TNN: variants seen among roughly 807,000 people sequenced by gnomAD.
TNN encodes tenascin-N.
Under a neutral mutation model 134.4 loss-of-function variants are expected in TNN, and 122 were observed. That is an observed-to-expected ratio of 0.91 (90% confidence interval 0.78 to 1.06). The LOEUF is 1.06. Among genes scored for constraint, TNN ranks in the 50% least tolerant of loss-of-function variants. The pLI, the probability that TNN is intolerant of heterozygous loss-of-function variation, is 0.00. For missense variants in TNN, 1,739 were observed against 1,699.4 expected (o/e 1.02, Z -0.41); for synonymous variants, 710 against 670.3 (o/e 1.06, Z -0.91).
intron 5 of TNN, among the ~76,000 whole-genome samples, chr1:175,084,281 G>A (rs1674275616): frequency 1.3e-5 from 2 of 152,138 alleles, no homozygotes; most frequent in South Asian, 4.1e-4. Flanking sequence ...TAGTATTTGG[G>A]TGTTGGGGAC....
intron 1 of TNN, among the ~76,000 whole-genome samples, chr1:175,073,849 C>T (rs1195873414): frequency 1.3e-5 from 2 of 152,190 alleles, no homozygotes; most frequent in Non-Finnish European, 2.9e-5. Flanking sequence ...TTCCCCTTCC[C>T]ACCCACTGGG....
intron 1 of TNN, among the ~76,000 whole-genome samples, chr1:175,074,210 T>C (rs1673985109): frequency 6.6e-6 from 1 of 151,916 alleles, no homozygotes; most frequent in Non-Finnish European, 1.5e-5. Context: ...CGGCCAGGTG[T>C]AGTGGCTCAT....
At chr1:175,126,831 C>A in intron 12 of TNN, 124 bp from the exon 13 acceptor site, 1 of 1,094,718 alleles carries the variant, frequency 9.1e-7, no homozygotes, top group Non-Finnish European at 1.3e-6. Context: ...AGCCTGCAAA[C>A]TGCTTGAAAG....
At chr1:175,068,198 CT>C (rs1226002736) in intron 1 of TNN, among the ~76,000 whole-genome samples, 1 of 152,144 alleles carries the variant, frequency 6.6e-6, no homozygotes, top group Non-Finnish European at 1.5e-5. Context: ...ACAGATGCGT[CT>C]GTGTTGTATC....
chr1:175,141,903 C>A (rs1395410534), intron 17 of TNN, among the ~76,000 whole-genome samples: 1 of 152,194 alleles, frequency 6.6e-6, no homozygotes, highest in African/African-American at 2.4e-5. Flanking sequence ...CAGAAAAAGA[C>A]CTCCCACATT....
intron 9 of TNN, among the ~76,000 whole-genome samples, chr1:175,101,314 T>C (rs564556911): frequency 3.1e-4 from 47 of 151,650 alleles, no homozygotes; most frequent in African/African-American, 1.0e-3. Flanking sequence ...GCGTCTGGAG[T>C]TGTTGGTTCC....
intron 4 of TNN, 79 bp downstream of exon 4, chr1:175,080,505 G>T (rs910536515): frequency 2.2e-5 from 34 of 1,553,902 alleles, no homozygotes; most frequent in Non-Finnish European, 2.5e-5. Flanking sequence ...ACACCTGTAG[G>T]CAGTTGCCTT....
At chr1:175,116,822 C>A (rs1574163615) in intron 9 of TNN, 117 bp from the exon 10 acceptor site, 3 of 1,390,284 alleles carry the variant, frequency 2.2e-6, no homozygotes, top group Non-Finnish European at 3.0e-6. Flanking sequence ...TGAAAACCAG[C>A]ATATGATATG....
At chr1:175,126,108 T>TTTA (rs1344939016) in intron 12 of TNN, among the ~76,000 whole-genome samples, 1 of 148,810 alleles carries the variant, frequency 6.7e-6, no homozygotes, top group African/African-American at 2.5e-5. Flanking sequence ...TTCTTTCTTT[T>TTTA]TTTTTTTTTT....
intron 10 of TNN, among the ~76,000 whole-genome samples, chr1:175,117,910 A>G (rs752936025): frequency 2.6e-5 from 4 of 152,234 alleles, no homozygotes; most frequent in Non-Finnish European, 5.9e-5. Context: ...TGGAAGCGAT[A>G]TCTAACCATA....
intron 6 of TNN, among the ~76,000 whole-genome samples, chr1:175,092,607 A>G (rs1315052714): frequency 1.3e-5 from 2 of 152,180 alleles, no homozygotes; most frequent in Admixed American, 1.3e-4. Flanking sequence ...GCTGCTTAGG[A>G]CATAGACATA....
At chr1:175,117,320 A>G (rs1675211307) in intron 10 of TNN, 115 bp downstream of exon 10, 3 of 1,541,204 alleles carry the variant, frequency 1.9e-6, no homozygotes, top group Admixed American at 4.3e-5. Flanking sequence ...GAAGAGTGGG[A>G]TGGCATCCCT....
chr1:175,093,753 T>A (rs1210529703), intron 6 of TNN, among the ~76,000 whole-genome samples: 1 of 152,178 alleles, frequency 6.6e-6, no homozygotes, highest in East Asian at 1.9e-4. Flanking sequence ...CTCTAATATG[T>A]TCAGTAGTCT....
chr1:175,070,432 T>C (rs1485903895), intron 1 of TNN, among the ~76,000 whole-genome samples: 3 of 152,132 alleles, frequency 2.0e-5, no homozygotes, highest in Non-Finnish European at 4.4e-5. Context: ...GCAGACTTGA[T>C]GGGATGGCTC....
At chr1:175,119,110 C>T (rs1167646543) in intron 11 of TNN, among the ~76,000 whole-genome samples, 1 of 152,124 alleles carries the variant, frequency 6.6e-6, no homozygotes, top group East Asian at 1.9e-4. Flanking sequence ...AGGGTGAGCC[C>T]ATAGAGTAAA....
Position 175,147,548 on chromosome 1 carries a change from C to T in TNN, c.*477C>T, listed in dbSNP as rs551282624. On this transcript the variant is annotated 3_prime_UTR_variant, in exon 19 of 19. Coordinates refer to ENST00000239462, the MANE Select transcript of TNN (RefSeq NM_022093.2). ...CTTTCCCATTGGGTTTTTAGGAAAACAGTGTGAACCTCCCCCTTTTAATTT... is the reference window on the plus strand; with the variant it reads ...CTTTCCCATTGGGTTTTTAGGAAAATAGTGTGAACCTCCCCCTTTTAATTT... The T allele has an allele frequency of 2.6e-5, 4 of 152,510 alleles. No homozygotes were observed. The highest frequency in any genetic ancestry group is 2.1e-4 in the South Asian group (1 of 4,826). The allele number at this position is 152,510 out of a possible 1,614,324, so 9.4% of individuals were successfully genotyped here. A position where few individuals can be genotyped will look rare whatever the true frequency, so the allele number is the denominator to read the frequency against.
chr1:175,146,669 G>C lies in TNN; in HGVS notation c.3760-262G>C, dbSNP rs1263062209. ...CCAGCTCCCGGGCTCACACCCCCTT[G>C]CTCCCACCATAGAGACCGCCAGCTT... On this transcript the variant is annotated intron_variant, in intron 18 of 18. Transcript: ENST00000239462. Among the ~76,000 whole-genome samples the C allele has an allele frequency of 2.6e-5, 4 of 151,840 alleles. No individual in the cohort carries two copies. The East Asian group carries it at 7.7e-4, about 29-fold the overall frequency.
At chr1:175,095,430 T>A (rs776010046) in intron 7 of TNN, among the ~76,000 whole-genome samples, 2 of 152,226 alleles carry the variant, frequency 1.3e-5, no homozygotes, top group African/African-American at 2.4e-5. Context: ...TAAGACTTTA[T>A]TGATAAAGAT....
chr1:175,101,315 T>G (rs1385790180), intron 9 of TNN, among the ~76,000 whole-genome samples: 1 of 151,978 alleles, frequency 6.6e-6, no homozygotes, highest in East Asian at 1.9e-4. Flanking sequence ...CGTCTGGAGT[T>G]GTTGGTTCCT....
Sources: allele counts gnomAD v4.1 joint callset (sites outside exome capture counted in the v4.1 genomes callset), GRCh38; gene constraint gnomAD v4.1.1; transcripts MANE v1.5; gene names NCBI Gene and HGNC (gene_info 2026-07-23, HGNC 2026-07-21).